The following KIZ variants were observed in gnomAD, a reference collection of about 807,000 sequenced individuals.
KIZ encodes the protein kizuna centrosomal protein, also known as centrosomal protein kizuna.
KIZ carries 68 observed loss-of-function variants against 79.6 expected under a neutral mutation model. That is an observed-to-expected ratio of 0.85 (90% confidence interval 0.70 to 1.05). The LOEUF (loss-of-function observed/expected upper bound fraction) is 1.05, where lower values mean the gene tolerates loss of function less well. Ranked by LOEUF, KIZ falls within the 50% of genes least tolerant of loss-of-function variation. KIZ has a pLI of 0.00. For missense variants in KIZ, 797 were observed against 800.4 expected (o/e 1.00, Z 0.05); for synonymous variants, 280 against 281.8 (o/e 0.99, Z 0.06).
At chr20:21,172,807 C>A (rs2034269223) in intron 6 of KIZ, among the ~76,000 whole-genome samples, 1 of 152,118 alleles carries the variant, frequency 6.6e-6, no homozygotes, top group Non-Finnish European at 1.5e-5. Flanking sequence ...TCTTTGTCAT[C>A]TTTTAGACTG....
At chr20:21,235,462 A>C (rs1390262757) in intron 11 of KIZ, among the ~76,000 whole-genome samples, 1 of 152,192 alleles carries the variant, frequency 6.6e-6, no homozygotes, top group Non-Finnish European at 1.5e-5. Flanking sequence ...TAATGTACGA[A>C]GGAGTGAGTC....
intron 9 of KIZ, 103 bp downstream of exon 9, chr20:21,215,751 G>A: frequency 1.5e-6 from 1 of 650,384 alleles, no homozygotes; most frequent in Non-Finnish European, 2.8e-6. Context: ...AAGAGCACAT[G>A]TATTCAGCTA....
intron 11 of KIZ, 104 bp downstream of exon 11, chr20:21,232,934 G>A: frequency 1.5e-6 from 1 of 674,216 alleles, no homozygotes; most frequent in Non-Finnish European, 2.7e-6. Flanking sequence ...ATGACTTGGA[G>A]GGTTATGGTT....
At chr20:21,200,079 C>G (rs1304079624) in intron 6 of KIZ, among the ~76,000 whole-genome samples, 1 of 152,172 alleles carries the variant, frequency 6.6e-6, no homozygotes, top group African/African-American at 2.4e-5. Flanking sequence ...CCTCTGCCTC[C>G]CAAAGTGCTG....
At chr20:21,243,190 A>G (rs1256122074) in intron 11 of KIZ, among the ~76,000 whole-genome samples, 1 of 152,072 alleles carries the variant, frequency 6.6e-6, no homozygotes, top group Non-Finnish European at 1.5e-5. Context: ...TCCATGCTTC[A>G]TGGAGAAATG....
intron 3 of KIZ, among the ~76,000 whole-genome samples, chr20:21,142,620 GTC>G (rs764883423): frequency 1.3e-3 from 194 of 151,982 alleles, no homozygotes; most frequent in Non-Finnish European, 2.2e-3. Flanking sequence ...ATGAGAACCT[GTC>G]TCTACAAAAA....
In KIZ at chr20:21,162,281, T is replaced by G; in HGVS notation, c.816T>G (p.Ala272=). The part of the protein sequence containing the change: ...KSNLSEGKKS[A]ELNSPLRERL... ...ATTTATCTGAAGGCAAAAAGTCTGC[T>G]GAACTCAATTCCCCGTTACGGGAAA... Residue 272 remains alanine, a synonymous_variant, in exon 5 of 13, where the codon GCT becomes GCG. Transcript: ENST00000619189. 4 of 1,613,964 alleles carry G rather than the reference T, an allele frequency of 2.5e-6. No individual in the cohort carries two copies. The South Asian group carries it at 4.4e-5, about 18-fold the overall frequency.
At chr20:21,169,107 T>C (rs1029534626) in intron 6 of KIZ, among the ~76,000 whole-genome samples, 5 of 152,116 alleles carry the variant, frequency 3.3e-5, no homozygotes, top group African/African-American at 9.7e-5. Context: ...CTAAAGAGCT[T>C]CTGCACAGCA....
chr20:21,213,056 C>T (rs928397857), intron 7 of KIZ, among the ~76,000 whole-genome samples: 1 of 152,186 alleles, frequency 6.6e-6, no homozygotes, highest in Non-Finnish European at 1.5e-5. Context: ...AGTTCTTTGG[C>T]CAAGGGGACT....
At chr20:21,218,216 A>G (rs1432095846) in intron 9 of KIZ, 2 of 152,210 alleles carry the variant, frequency 1.3e-5, no homozygotes, top group Non-Finnish European at 2.9e-5. Flanking sequence ...CCATGAGGAC[A>G]TCCACAGAGA....
At chr20:21,197,533 A>G (rs555631458) in intron 6 of KIZ, 2 of 152,356 alleles carry the variant, frequency 1.3e-5, no homozygotes, top group South Asian at 2.1e-4. Context: ...AAGATTATCT[A>G]GCATACCTGT....
chr20:21,219,846 T>C (rs2036442888), intron 9 of KIZ, among the ~76,000 whole-genome samples: 1 of 152,220 alleles, frequency 6.6e-6, no homozygotes, highest in Non-Finnish European at 1.5e-5. Context: ...AGGCATCTGC[T>C]TTGCTAATCG....
chr20:21,158,338 A>C (rs1300082039), intron 4 of KIZ: 2 of 152,220 alleles, frequency 1.3e-5, no homozygotes, highest in Non-Finnish European at 1.5e-5. Flanking sequence ...TGGTGAAATG[A>C]CAGTATTCTG....
intron 5 of KIZ, 166 bp from the exon 6 acceptor site, chr20:21,162,682 CTG>C: frequency 2.5e-6 from 2 of 788,396 alleles, no homozygotes; most frequent in Non-Finnish European, 4.0e-6. Context: ...TTTAAACCCA[CTG>C]TGATTTTTTT....
At chr20:21,196,307 T>G (rs2035340945) in intron 6 of KIZ, 2 of 152,692 alleles carry the variant, frequency 1.3e-5, no homozygotes. Flanking sequence ...GTTTCAAATG[T>G]CATCTCCCCT....
intron 3 of KIZ, 47 bp downstream of exon 3, chr20:21,136,599 G>GTT (rs11476720): frequency 5.5e-4 from 564 of 1,033,728 alleles, no homozygotes; most frequent in Admixed American, 6.6e-4. Flanking sequence ...GTTGTTGTGT[G>GTT]TTTTTTTTTT....
intron 4 of KIZ, among the ~76,000 whole-genome samples, chr20:21,153,766 C>T (rs974446312): frequency 2.0e-5 from 3 of 152,094 alleles, no homozygotes; most frequent in Non-Finnish European, 4.4e-5. Flanking sequence ...TCACTGTGTC[C>T]TCATGTGCCT....
At position 21,154,835 on chromosome 20, in the gene KIZ, TAATAA is replaced by T. The variant is rs556564992; in HGVS notation, c.406-7032_406-7028del. Among the ~76,000 whole-genome samples the T allele has an allele frequency of 5.9e-5, 9 of 152,354 alleles. No homozygotes were observed. In the South Asian group the frequency reaches 1.0e-3, roughly 18 times the overall value. On this transcript the variant is annotated intron_variant, in intron 4 of 12. Transcript: ENST00000619189. ...AGTACTCTGTTTCCTGTTGCTAAGC[TAATAA>T]AATGACAGACTTTTAAAAAAGAAGA...
chr20:21,230,777 G>C (rs1170101249), intron 10 of KIZ, among the ~76,000 whole-genome samples: 1 of 152,216 alleles, frequency 6.6e-6, no homozygotes, highest in Non-Finnish European at 1.5e-5. Flanking sequence ...CCTCTGTCCT[G>C]ATGGAGGTTG....
Sources: allele counts gnomAD v4.1 joint callset (sites outside exome capture counted in the v4.1 genomes callset), GRCh38; gene constraint gnomAD v4.1.1; transcripts MANE v1.5; gene names NCBI Gene and HGNC (gene_info 2026-07-23, HGNC 2026-07-21).